Variants in IGHMBP2 observed in about 807,000 individuals in gnomAD.
IGHMBP2 encodes DNA-binding protein SMUBP-2.
A neutral mutation model predicts 96.0 loss-of-function variants in IGHMBP2; 81 were observed. The observed-to-expected ratio is 0.84, with a 90% CI of 0.71 to 1.01. The LOEUF is 1.01. IGHMBP2 is among the 50% of genes least tolerant of loss of function. IGHMBP2 has a pLI of 0.00. For synonymous variants in IGHMBP2, 557 were observed against 548.9 expected (o/e 1.01, Z -0.21); for missense variants, 1,227 against 1,306.3 (o/e 0.94, Z 0.94).
In IGHMBP2 at chr11:68,915,038, C is replaced by T. The variant is rs746204284; in HGVS notation, c.912+15C>T. On this transcript the variant is annotated intron_variant, in intron 6 of 14. Transcript: ENST00000255078. Reference sequence around the variant, plus strand: ...ACCAGGTCTTTGTAGGTGTCATGGCCAGTGTCCATGTGGGGCGTGGGCTTC... The same window carrying T: ...ACCAGGTCTTTGTAGGTGTCATGGCTAGTGTCCATGTGGGGCGTGGGCTTC... 1.2e-6 allele frequency: 2 copies of T among 1,610,448 alleles called. No homozygotes were observed. The highest frequency in any genetic ancestry group is 3.3e-5 in the Admixed American group (2 of 60,012).
chr11:68,917,034 G>A (rs931957388), intron 6 of IGHMBP2, among the ~76,000 whole-genome samples: 3 of 139,866 alleles, frequency 2.1e-5, no homozygotes, highest in African/African-American at 8.1e-5. Flanking sequence ...AGGCTGGAGT[G>A]CAGTGGTGCA....
At chr11:68,904,243 A>T (rs1430105576) in intron 1 of IGHMBP2, among the ~76,000 whole-genome samples, 1 of 151,614 alleles carries the variant, frequency 6.6e-6, no homozygotes, top group Admixed American at 6.6e-5. Flanking sequence ...CCGTTTGGGG[A>T]CCCTTAAGAA....
At position 68,935,083 on chromosome 11, in the gene IGHMBP2, G is replaced by T. The variant is rs1228081681; in HGVS notation, c.1633-216G>T. On this transcript the variant is annotated intron_variant, in intron 11 of 14. Coordinates refer to ENST00000255078, the MANE Select transcript of IGHMBP2 (RefSeq NM_002180.3). ...GGCTGGCGGCTGTCATAAGCCAAAA[G>T]AAATGATCAAATGCCAGGGACAGGG... 3.3e-5 allele frequency among the ~76,000 whole-genome samples: 5 copies of T among 152,244 alleles called. No homozygotes were observed. In the East Asian group the frequency reaches 9.6e-4, roughly 29 times the overall value.
intron 12 of IGHMBP2, 93 bp from the exon 13 acceptor site, chr11:68,936,144 C>T (rs529136239): frequency 2.7e-6 from 4 of 1,464,400 alleles, no homozygotes; most frequent in East Asian, 2.3e-5. Context: ...CAGGGGACTA[C>T]ACTTTTGGTG....
At chr11:68,938,105 TGAATTGA>T in intron 13 of IGHMBP2, 70 bp from the exon 14 acceptor site, 1 of 1,500,188 alleles carries the variant, frequency 6.7e-7, no homozygotes, top group South Asian at 1.1e-5. Context: ...TGCTTAGCCA[TGAATTGA>T]TTTTAAAACC....
chr11:68,908,653 T>G, intron 4 of IGHMBP2, 22 bp downstream of exon 4: 1 of 1,548,948 alleles, frequency 6.5e-7, no homozygotes, highest in Non-Finnish European at 8.9e-7. Context: ...TGAGTTTTCT[T>G]TTTTGGTTGA....
chr11:68,904,583 G>T (rs900417955), intron 1 of IGHMBP2, among the ~76,000 whole-genome samples: 16 of 152,058 alleles, frequency 1.1e-4, no homozygotes, highest in African/African-American at 3.9e-4. Context: ...AGGGAGTGGT[G>T]CCTGAAGGAA....
At chr11:68,913,146 G>T (rs77592749) in intron 5 of IGHMBP2, among the ~76,000 whole-genome samples, 1 of 151,474 alleles carries the variant, frequency 6.6e-6, no homozygotes, top group Non-Finnish European at 1.5e-5. Flanking sequence ...AATGGAACTC[G>T]GGCAGAGCGC....
intron 1 of IGHMBP2, 68 bp from the exon 2 acceptor site, chr11:68,906,001 C>G: frequency 1.4e-6 from 2 of 1,469,304 alleles, no homozygotes; most frequent in Non-Finnish European, 1.9e-6. Context: ...TTCTCTTTTA[C>G]TTTTCCTGGG....
chr11:68,926,707 C>A (rs936344977), intron 7 of IGHMBP2, among the ~76,000 whole-genome samples: 3 of 152,156 alleles, frequency 2.0e-5, no homozygotes, highest in Non-Finnish European at 4.4e-5. Context: ...GCTGATATTT[C>A]AAGTCTTTGT....
At chr11:68,921,278 T>A (rs903187744) in intron 7 of IGHMBP2, among the ~76,000 whole-genome samples, 1 of 152,014 alleles carries the variant, frequency 6.6e-6, no homozygotes, top group Non-Finnish European at 1.5e-5. Context: ...AAAAGATAAT[T>A]TATAGAGACA....
At chr11:68,918,783 G>C (rs1858768756) in intron 7 of IGHMBP2, among the ~76,000 whole-genome samples, 1 of 152,114 alleles carries the variant, frequency 6.6e-6, no homozygotes, top group African/African-American at 2.4e-5. Context: ...TAGGATTACA[G>C]GTGGACCCAC....
rs746988290 is a variant in IGHMBP2, at chr11:68,939,668, G to A, written c.2919G>A (p.Leu973=). The stretch of plus-strand genomic sequence containing the variant: ...AGAGGGCCCAGCTGCAGAGGAGGCT[G>A]GATAAGAAGCTGAGTGAGCTCAGCA... The part of the protein sequence containing the change: ...PAKRAQLQRR[L]DKKLSELSNQ... The change falls in exon 15 of 15, where the codon CTG becomes CTA. Residue 973 remains leucine, a synonymous_variant. Coordinates refer to ENST00000255078, the MANE Select transcript of IGHMBP2 (RefSeq NM_002180.3). The A allele has an allele frequency of 1.2e-6, 2 of 1,612,946 alleles. No homozygotes were observed. The highest frequency in any genetic ancestry group is 1.7e-5 in the Admixed American group (1 of 59,894).
At chr11:68,937,154 G>T in intron 13 of IGHMBP2, 63 bp downstream of exon 13, 2 of 1,579,294 alleles carry the variant, frequency 1.3e-6, no homozygotes, top group South Asian at 1.1e-5. Flanking sequence ...CCCACTTGGA[G>T]CCCACCTGCC....
intron 8 of IGHMBP2, 74 bp downstream of exon 8, chr11:68,929,431 C>T: frequency 2.8e-6 from 4 of 1,420,230 alleles, no homozygotes; most frequent in African/African-American, 2.8e-5. Flanking sequence ...AGCCAGGAGC[C>T]CCAGGCTCAC....
intron 7 of IGHMBP2, among the ~76,000 whole-genome samples, chr11:68,920,141 A>G (rs1858826197): frequency 6.6e-6 from 1 of 152,210 alleles, no homozygotes; most frequent in East Asian, 1.9e-4. Flanking sequence ...ACCTCAAGTA[A>G]GTGGAACCAT....
Position 68,929,266 on chromosome 11 carries a change from G to A in IGHMBP2, c.1144G>A (p.Glu382Lys), listed in dbSNP as rs776730737. The change falls in exon 8 of 15, where the codon GAG becomes AAG. Residue 382 changes from glutamate (E) to lysine (K), a missense_variant. Physicochemically the swap from Glu to Lys is moderately conservative, Grantham distance 56. Transcript: ENST00000255078. ...CATTGACGAGTGTGCCCAGGCCCTC[G>A]AGGCGAGCTGCTGGATCCCCCTGCT... The part of the protein sequence containing the change: ...VVIDECAQAL[E>K]ASCWIPLLKA... 1.1e-5 allele frequency: 18 copies of A among 1,613,712 alleles called. No individual in the cohort carries two copies. The highest frequency in any genetic ancestry group is 1.7e-5 in the Admixed American group (1 of 60,014).
At position 68,938,310 on chromosome 11, in the gene IGHMBP2, C is replaced by T; in HGVS notation, c.2740C>T (p.Gln914Ter). 1.9e-6 allele frequency: 3 copies of T among 1,611,728 alleles called. No homozygotes were observed. Among genetic ancestry groups the T allele is most frequent in the Non-Finnish European group, 2.5e-6 (3 of 1,179,678 alleles). ...AGVTTLGQFC[Q>*]LCSRRYCLSH... ...CGTCACAACCCTGGGCCAGTTCTGC[C>T]AGCTCTGCAGCCGCCGCTACTGCCT... Residue 914 changes from glutamine (Q) to a stop codon, truncating the protein, a stop_gained, in exon 14 of 15, where the codon CAG becomes TAG. Transcript: ENST00000255078. LOFTEE classifies it high-confidence loss of function.
At chr11:68,917,069 C>T (rs545977645) in intron 6 of IGHMBP2, among the ~76,000 whole-genome samples, 8 of 150,728 alleles carry the variant, frequency 5.3e-5, no homozygotes, top group East Asian at 3.9e-4. Flanking sequence ...CAACCTCCGC[C>T]TCCTGGGTTC....
Sources: allele counts gnomAD v4.1 joint callset (sites outside exome capture counted in the v4.1 genomes callset), GRCh38; gene constraint gnomAD v4.1.1; transcripts MANE v1.5; gene names NCBI Gene and HGNC (gene_info 2026-07-23, HGNC 2026-07-21).